Variants in HRH1 observed in about 807,000 individuals in gnomAD.
The protein encoded by HRH1 is histamine H1 receptor.
A neutral mutation model predicts 10.3 loss-of-function variants in HRH1; 6 were observed. That is an observed-to-expected ratio of 0.58 (90% CI 0.32 to 1.15). HRH1 has a LOEUF of 1.15. HRH1 is among the 50% of genes most tolerant of loss of function. The pLI is 0.05. For synonymous variants in HRH1, 242 were observed against 236.7 expected, an observed-to-expected ratio of 1.02 and a Z score of -0.21; for missense variants, 514 against 615.3, an observed-to-expected ratio of 0.84 and a Z score of 1.74.
chr3:11,141,871 T>G (rs1936298132), intron 1 of HRH1, among the ~76,000 whole-genome samples: 1 of 152,224 alleles, frequency 6.6e-6, no homozygotes, highest in African/African-American at 2.4e-5. Flanking sequence ...TGATCACGTG[T>G]AGGGCAACTA....
At chr3:11,185,653 C>A (rs1453060047) in intron 1 of HRH1, among the ~76,000 whole-genome samples, 1 of 152,158 alleles carries the variant, frequency 6.6e-6, no homozygotes. Flanking sequence ...CTCGGGTGAG[C>A]TGTGTCTGAG....
intron 1 of HRH1, among the ~76,000 whole-genome samples, chr3:11,193,931 A>G (rs544401660): frequency 6.6e-6 from 1 of 152,374 alleles, no homozygotes; most frequent in South Asian, 2.1e-4. Flanking sequence ...CAACTTCACA[A>G]GGTATCAGCT....
chr3:11,235,644 C>T (rs149401791), intron 1 of HRH1, among the ~76,000 whole-genome samples: 8 of 152,316 alleles, frequency 5.3e-5, no homozygotes, highest in East Asian at 1.9e-4. Flanking sequence ...ATGCAAGTCC[C>T]GGCTCCCTGC....
At chr3:11,204,369 G>A (rs912197875) in intron 1 of HRH1, among the ~76,000 whole-genome samples, 2 of 152,172 alleles carry the variant, frequency 1.3e-5, no homozygotes, top group African/African-American at 2.4e-5. Flanking sequence ...AGGCTTCCTG[G>A]AGACAGTGCT....
chr3:11,161,432 C>A (rs553039120), intron 1 of HRH1, among the ~76,000 whole-genome samples: 80 of 152,328 alleles, frequency 5.3e-4, no homozygotes, highest in Non-Finnish European at 7.3e-5. Flanking sequence ...CCCTTGCCCT[C>A]GGCCCAGGTG....
At chr3:11,247,358 C>T (rs576856023) in intron 1 of HRH1, among the ~76,000 whole-genome samples, 1 of 152,182 alleles carries the variant, frequency 6.6e-6, no homozygotes, top group Non-Finnish European at 1.5e-5. Flanking sequence ...CAGCTTGCAC[C>T]AGTCACGATC....
intron 1 of HRH1, among the ~76,000 whole-genome samples, chr3:11,227,718 G>C (rs1206120510): frequency 6.6e-6 from 1 of 152,154 alleles, no homozygotes; most frequent in African/African-American, 2.4e-5. Flanking sequence ...CACTTTCTTT[G>C]TGGTTTCTTG....
chr3:11,174,859 TTGTGGGGTCTGGGTAGC>T (rs1021235381), intron 1 of HRH1, among the ~76,000 whole-genome samples: 3 of 152,100 alleles, frequency 2.0e-5, no homozygotes, highest in Non-Finnish European at 4.4e-5. Context: ...CTGGAAGCCA[TTGTGGGGTCTGGGTAGC>T]TGTTGGGCAA....
intron 1 of HRH1, among the ~76,000 whole-genome samples, chr3:11,208,410 C>T (rs1938214878): frequency 6.6e-6 from 1 of 152,178 alleles, no homozygotes; most frequent in South Asian, 2.1e-4. Flanking sequence ...CCTTGGCCTC[C>T]CAAAGTGCTG....
chr3:11,247,034 G>T (rs897917230), intron 1 of HRH1, among the ~76,000 whole-genome samples: 8 of 152,230 alleles, frequency 5.3e-5, no homozygotes, highest in South Asian at 2.1e-4. Context: ...TTTAAAAAAT[G>T]TTTTCTCTGA....
In HRH1 at chr3:11,230,963, G is replaced by A. The variant is rs369154181; in HGVS notation, c.-35-28040G>A. On this transcript the variant is annotated intron_variant, in intron 1 of 1. Coordinates refer to ENST00000431010, the MANE Select transcript of HRH1 (RefSeq NM_001098212.2). ...AGACAGTCGAGTACAGAAGAGTTCCGTCACCAATGTTGCCTTTCTATAGCC... is the reference window on the plus strand; with the variant it reads ...AGACAGTCGAGTACAGAAGAGTTCCATCACCAATGTTGCCTTTCTATAGCC... Among the ~76,000 whole-genome samples, 37 of 152,100 alleles carry A rather than the reference G, an allele frequency of 2.4e-4. 1 individual carries two copies. Among genetic ancestry groups the A allele is most frequent in the African/African-American group, 8.9e-4 (37 of 41,410 alleles).
chr3:11,199,135 G>T (rs2125026205), intron 1 of HRH1, among the ~76,000 whole-genome samples: 1 of 152,172 alleles, frequency 6.6e-6, no homozygotes, highest in South Asian at 2.1e-4. Flanking sequence ...GGCCAGGCTG[G>T]TCTTGAACTC....
intron 1 of HRH1, among the ~76,000 whole-genome samples, chr3:11,143,112 G>A (rs1437875695): frequency 2.0e-5 from 3 of 152,154 alleles, no homozygotes; most frequent in African/African-American, 7.2e-5. Context: ...GGACGCAGGG[G>A]TCAGATGATG....
intron 1 of HRH1, among the ~76,000 whole-genome samples, chr3:11,256,767 C>G: frequency 6.6e-6 from 1 of 152,006 alleles, no homozygotes; most frequent in South Asian, 2.1e-4. Context: ...CCATTGCACT[C>G]CAGTCTGGCG....
chr3:11,230,950 A>G (rs1472849472), intron 1 of HRH1, among the ~76,000 whole-genome samples: 1 of 152,238 alleles, frequency 6.6e-6, no homozygotes, highest in Non-Finnish European at 1.5e-5. Flanking sequence ...ACAGTCGAGT[A>G]CAGAAGAGTT....
chr3:11,147,150 A>G (rs774578772), intron 1 of HRH1, among the ~76,000 whole-genome samples: 4 of 152,102 alleles, frequency 2.6e-5, no homozygotes, highest in Non-Finnish European at 5.9e-5. Flanking sequence ...CACTTTTCAC[A>G]CTGTACTATG....
intron 1 of HRH1, among the ~76,000 whole-genome samples, chr3:11,198,926 AC>A (rs759131201): frequency 1.3e-5 from 2 of 148,738 alleles, no homozygotes; most frequent in African/African-American, 5.0e-5. Flanking sequence ...ACACACACAC[AC>A]ATTTTTTTTT....
intron 1 of HRH1, among the ~76,000 whole-genome samples, chr3:11,250,144 G>T (rs894531326): frequency 7.3e-6 from 1 of 136,494 alleles, no homozygotes; most frequent in African/African-American, 2.7e-5. Context: ...CCGCGTTCAC[G>T]CCATTCTCCT....
Position 11,137,784 on chromosome 3 carries a change from G to A in HRH1, c.-36+385G>A, listed in dbSNP as rs189354716. 5.9e-5 allele frequency among the ~76,000 whole-genome samples: 9 copies of A among 152,252 alleles called. No homozygotes were observed. The East Asian group carries it at 1.7e-3, about 29-fold the overall frequency. On this transcript the variant is annotated intron_variant, in intron 1 of 1. Transcript: ENST00000438284. Reference sequence around the variant, plus strand: ...ATCCTCCACGCCTGGCACATAGCAGGCCATCTGTAAAGGTACTGAGGTACT... The same window carrying A: ...ATCCTCCACGCCTGGCACATAGCAGACCATCTGTAAAGGTACTGAGGTACT...
Sources: allele counts gnomAD v4.1 joint callset (sites outside exome capture counted in the v4.1 genomes callset), GRCh38; gene constraint gnomAD v4.1.1; transcripts MANE v1.5; gene names NCBI Gene and HGNC (gene_info 2026-07-23, HGNC 2026-07-21).